USP25: variants seen among roughly 807,000 people sequenced by gnomAD.
USP25 encodes ubiquitin specific peptidase 25, also known as ubiquitin carboxyl-terminal hydrolase 25.
A neutral mutation model predicts 158.5 loss-of-function variants in USP25; 85 were observed. That is an observed-to-expected ratio of 0.54 (90% CI 0.45 to 0.64). The LOEUF (loss-of-function observed/expected upper bound fraction) is 0.64, where lower values mean the gene tolerates loss of function less well. Ranked by LOEUF, USP25 falls within the 30% of genes least tolerant of loss-of-function variation. The pLI, the probability that USP25 is intolerant of heterozygous loss-of-function variation, is 0.00. For synonymous variants in USP25, 464 were observed against 460.4 expected (o/e 1.01, Z -0.10); for missense variants, 1,242 against 1,327.3 (o/e 0.94, Z 1.00).
At chr21:15,740,317 A>G (rs2031912790) in intron 1 of USP25, among the ~76,000 whole-genome samples, 1 of 152,226 alleles carries the variant, frequency 6.6e-6, no homozygotes, top group Non-Finnish European at 1.5e-5. Flanking sequence ...CACTGTGTAA[A>G]TTGACTGCAG....
At chr21:15,831,799 T>C (rs2037817981) in intron 16 of USP25, among the ~76,000 whole-genome samples, 170 bp downstream of exon 16, 2 of 152,210 alleles carry the variant, frequency 1.3e-5, no homozygotes, top group South Asian at 4.1e-4. Context: ...GGCTAAGAAT[T>C]CGTATATATT....
At position 15,847,863 on chromosome 21, in the gene USP25, AAT is replaced by A. The variant is rs576256344; in HGVS notation, c.2451+88_2451+89del. On this transcript the variant is annotated intron_variant, in intron 19 of 25. Transcript: ENST00000400183. ...TGGGCATGCCTGCACCCTCATACTTAATGTCTATTGCCACATAACATACAGCT... is the reference window on the plus strand; with the variant it reads ...TGGGCATGCCTGCACCCTCATACTTAGTCTATTGCCACATAACATACAGCT... The A allele has an allele frequency of 1.7e-4, 132 of 763,366 alleles. 2 individuals carry two copies. In the South Asian group the frequency reaches 2.5e-3, roughly 15 times the overall value. The allele number at this position is 763,366 out of a possible 1,614,324, so 47.3% of individuals were successfully genotyped here.
chr21:15,798,597 C>T (rs1179420880), intron 5 of USP25, among the ~76,000 whole-genome samples: 2 of 151,146 alleles, frequency 1.3e-5, no homozygotes, highest in Non-Finnish European at 3.0e-5. Context: ...CAGAGACTAC[C>T]TTCTTAGTGT....
At chr21:15,750,600 T>C (rs2032933229) in intron 1 of USP25, among the ~76,000 whole-genome samples, 1 of 151,110 alleles carries the variant, frequency 6.6e-6, no homozygotes, top group Non-Finnish European at 1.5e-5. Context: ...ATGGTTAACT[T>C]TTTCCCCTAA....
chr21:15,811,990 G>A (rs996896518), intron 9 of USP25, among the ~76,000 whole-genome samples: 1 of 152,024 alleles, frequency 6.6e-6, no homozygotes, highest in Non-Finnish European at 1.5e-5. Context: ...TTTGAACGTA[G>A]GTGGTTTGGG....
intron 2 of USP25, among the ~76,000 whole-genome samples, chr21:15,764,089 A>G (rs1330592501): frequency 2.0e-5 from 3 of 152,168 alleles, no homozygotes; most frequent in African/African-American, 7.2e-5. Flanking sequence ...TGTTTAGAGC[A>G]TTAATGCGGG....
intron 5 of USP25, among the ~76,000 whole-genome samples, chr21:15,795,785 G>A (rs1051492614): frequency 3.3e-5 from 5 of 151,554 alleles, no homozygotes; most frequent in African/African-American, 1.2e-4. Context: ...AAGCACATGG[G>A]GGTTTAATTG....
chr21:15,739,578 G>A (rs1356437882), intron 1 of USP25, among the ~76,000 whole-genome samples: 1 of 152,028 alleles, frequency 6.6e-6, no homozygotes, highest in East Asian at 1.9e-4. Flanking sequence ...CTTCTCCAGG[G>A]GCCACTCCAC....
intron 17 of USP25, among the ~76,000 whole-genome samples, chr21:15,836,676 G>T (rs112320829): frequency 3.6e-5 from 4 of 111,356 alleles, no homozygotes; most frequent in East Asian, 2.9e-4. Flanking sequence ...TGTCAGTGTG[G>T]GGATCAGAAT....
intron 22 of USP25, among the ~76,000 whole-genome samples, chr21:15,867,180 A>G (rs1360049988): frequency 6.6e-6 from 1 of 151,948 alleles, no homozygotes; most frequent in Non-Finnish European, 1.5e-5. Context: ...TACACCTAGT[A>G]TTTCTTCACA....
chr21:15,851,033 A>C (rs1432532172), intron 20 of USP25, among the ~76,000 whole-genome samples: 1 of 151,990 alleles, frequency 6.6e-6, no homozygotes, highest in Non-Finnish European at 1.5e-5. Context: ...ATTTCTTTAT[A>C]GTTTCTAGGT....
chr21:15,874,371 CTAA>C (rs2040015853), intron 23 of USP25, 29 bp from the exon 24 acceptor site: 5 of 1,558,262 alleles, frequency 3.2e-6, no homozygotes, highest in Non-Finnish European at 3.5e-6. Flanking sequence ...AGGTGAAATA[CTAA>C]TGTTATATGT....
intron 1 of USP25, 123 bp downstream of exon 1, chr21:15,730,561 C>G (rs2030710511): frequency 1.8e-6 from 2 of 1,130,068 alleles, no homozygotes; most frequent in Admixed American, 9.4e-5. Flanking sequence ...CCGGTCACCC[C>G]CGGCCCCTGC....
intron 3 of USP25, among the ~76,000 whole-genome samples, chr21:15,767,275 G>A (rs1374731886): frequency 6.6e-6 from 1 of 151,934 alleles, no homozygotes; most frequent in Non-Finnish European, 1.5e-5. Context: ...TACATTTGCT[G>A]TTCCTTCTGT....
chr21:15,770,720 T>G (rs1421795311), intron 3 of USP25, among the ~76,000 whole-genome samples: 1 of 152,210 alleles, frequency 6.6e-6, no homozygotes, highest in Non-Finnish European at 1.5e-5. Flanking sequence ...AGTTGCACTT[T>G]AAATGTTTAA....
chr21:15,819,495 A>T (rs918333433), intron 10 of USP25, among the ~76,000 whole-genome samples: 1 of 152,098 alleles, frequency 6.6e-6, no homozygotes, highest in African/African-American at 2.4e-5. Context: ...TGCTTCCCCA[A>T]TCAGTTACTG....
intron 4 of USP25, among the ~76,000 whole-genome samples, chr21:15,789,165 C>T (rs2035455423): frequency 6.6e-6 from 1 of 151,976 alleles, no homozygotes; most frequent in African/African-American, 2.4e-5. Flanking sequence ...CTCAGTATAT[C>T]AATGTGATGT....
At chr21:15,845,086 T>A (rs937441514) in intron 18 of USP25, among the ~76,000 whole-genome samples, 5 of 152,144 alleles carry the variant, frequency 3.3e-5, no homozygotes, top group African/African-American at 1.2e-4. Context: ...ACTTTTTTCA[T>A]ATTTCAGGTT....
chr21:15,761,795 C>G (rs887818446), intron 1 of USP25, among the ~76,000 whole-genome samples: 2 of 152,140 alleles, frequency 1.3e-5, no homozygotes, highest in Non-Finnish European at 2.9e-5. Context: ...CGCTTGGCCC[C>G]CTTCCAAGTG....
Sources: gnomAD v4.1 joint callset for allele counts (sites outside exome capture counted in the v4.1 genomes callset) on GRCh38, gnomAD v4.1.1 for gene constraint, MANE v1.5 for transcripts, NCBI Gene and HGNC (gene_info 2026-07-23, HGNC 2026-07-21) for gene names.